Variants in GABRB1 observed in about 807,000 individuals in gnomAD.
GABRB1 encodes gamma-aminobutyric acid receptor subunit beta-1.
Under a neutral mutation model 51.6 loss-of-function variants are expected in GABRB1, and 17 were observed. The ratio of observed to expected loss-of-function variants is 0.33; its 90% CI spans 0.23 to 0.49. The LOEUF is 0.49. Among genes scored for constraint, GABRB1 ranks in the 20% least tolerant of loss-of-function variants. The pLI is 0.99. For synonymous variants in GABRB1, 247 were observed against 218.9 expected, an observed-to-expected ratio of 1.13 and a Z score of -1.14; for missense variants, 410 against 600.6, an observed-to-expected ratio of 0.68 and a Z score of 3.32.
At chr4:47,160,698 C>T (rs1717905862) in intron 3 of GABRB1, among the ~76,000 whole-genome samples, 3 of 151,824 alleles carry the variant, frequency 2.0e-5, no homozygotes, top group South Asian at 2.1e-4. Context: ...CATCTATTTG[C>T]TCTATATTGG....
intron 3 of GABRB1, among the ~76,000 whole-genome samples, chr4:47,036,803 C>A: frequency 6.6e-6 from 1 of 150,730 alleles, no homozygotes; most frequent in East Asian, 2.0e-4. Flanking sequence ...CTGGAGGTTG[C>A]GGTGAGCCAA....
At position 47,031,932 on chromosome 4, in the gene GABRB1, C is replaced by T; in HGVS notation, c.99C>T (p.Asn33=). 1 of 1,614,004 alleles carries T rather than the reference C, an allele frequency of 6.2e-7. No homozygotes were observed. Among genetic ancestry groups the T allele is most frequent in the Non-Finnish European group, 8.5e-7 (1 of 1,179,940 alleles). ...CCCTTAGCACCAATGAACCCAGCAA[C>T]ATGTCATACGTGAAAGAGACAGTGG... ...CCAHSTNEPS[N]MSYVKETVDR... is the part of the protein sequence containing the mutation. The change falls in exon 2 of 9, where the codon AAC becomes AAT. Residue 33 remains asparagine, a synonymous_variant. Coordinates refer to ENST00000295454, the MANE Select transcript of GABRB1 (RefSeq NM_000812.4).
chr4:47,094,650 C>A (rs1714309993), intron 3 of GABRB1, among the ~76,000 whole-genome samples: 1 of 151,852 alleles, frequency 6.6e-6, no homozygotes, highest in Non-Finnish European at 1.5e-5. Flanking sequence ...GGAAAAACAG[C>A]TGATGTGTGC....
intron 1 of GABRB1, among the ~76,000 whole-genome samples, chr4:46,995,236 G>A (rs1723951075): frequency 6.6e-6 from 1 of 152,138 alleles, no homozygotes; most frequent in African/African-American, 2.4e-5. Context: ...TTATAAATGT[G>A]GATGACTATC....
intron 5 of GABRB1, among the ~76,000 whole-genome samples, chr4:47,389,162 G>T (rs1727899516): frequency 6.6e-6 from 1 of 152,190 alleles, no homozygotes; most frequent in South Asian, 2.1e-4. Flanking sequence ...TCCTCCCCCA[G>T]TTCCTCATTG....
chr4:47,377,580 C>T (rs1727433590), intron 5 of GABRB1, among the ~76,000 whole-genome samples: 1 of 151,986 alleles, frequency 6.6e-6, no homozygotes, highest in South Asian at 2.1e-4. Flanking sequence ...TGGAAGGGGA[C>T]CCAAGCGGGT....
intron 4 of GABRB1, among the ~76,000 whole-genome samples, chr4:47,189,849 G>GT (rs932724415): frequency 2.6e-5 from 4 of 151,872 alleles, no homozygotes; most frequent in African/African-American, 7.3e-5. Flanking sequence ...AGACTATTAT[G>GT]TTTTTTTGTT....
intron 4 of GABRB1, among the ~76,000 whole-genome samples, chr4:47,261,458 T>A (rs1049701316): frequency 2.6e-5 from 4 of 152,136 alleles, no homozygotes; most frequent in Admixed American, 1.3e-4. Flanking sequence ...TCAAAGAGAA[T>A]AAAATACCTA....
intron 3 of GABRB1, among the ~76,000 whole-genome samples, chr4:47,065,912 G>T (rs1236354204): frequency 2.6e-5 from 4 of 152,192 alleles, no homozygotes; most frequent in African/African-American, 9.6e-5. Context: ...AGCATAGTTT[G>T]TTCAAAATTA....
At chr4:47,364,663 A>G (rs1726918052) in intron 5 of GABRB1, among the ~76,000 whole-genome samples, 1 of 152,100 alleles carries the variant, frequency 6.6e-6, no homozygotes, top group East Asian at 1.9e-4. Context: ...AAGATTAAAG[A>G]TAAAACCAGC....
intron 4 of GABRB1, among the ~76,000 whole-genome samples, chr4:47,207,164 G>A (rs1490790372): frequency 6.6e-6 from 1 of 151,916 alleles, no homozygotes; most frequent in Admixed American, 6.6e-5. Context: ...TAGTATCACA[G>A]CACAATTTGC....
intron 3 of GABRB1, among the ~76,000 whole-genome samples, chr4:47,070,680 A>G (rs1218563710): frequency 6.6e-6 from 1 of 152,132 alleles, no homozygotes; most frequent in Non-Finnish European, 1.5e-5. Context: ...CCAAAATACT[A>G]CTACATCTAG....
At chr4:47,233,016 A>C (rs1721199813) in intron 4 of GABRB1, among the ~76,000 whole-genome samples, 1 of 151,972 alleles carries the variant, frequency 6.6e-6, no homozygotes, top group Admixed American at 6.6e-5. Context: ...CTGGGACTAC[A>C]GGTGCACACT....
intron 5 of GABRB1, among the ~76,000 whole-genome samples, chr4:47,328,781 C>T (rs982579749): frequency 6.6e-5 from 10 of 151,008 alleles, no homozygotes; most frequent in South Asian, 2.1e-4. Context: ...GAGGGGGGAG[C>T]GGGGAGGGAT....
chr4:47,412,721 T>C lies in GABRB1; in HGVS notation c.1080+5795T>C, dbSNP rs1728798607. 1.3e-5 allele frequency among the ~76,000 whole-genome samples: 2 copies of C among 152,128 alleles called. 1 individual carries two copies. The highest frequency in any genetic ancestry group is 4.1e-4 in the South Asian group (2 of 4,824). On this transcript the variant is annotated intron_variant, in intron 8 of 8. Coordinates refer to ENST00000295454, the MANE Select transcript of GABRB1 (RefSeq NM_000812.4). ...AGAAAGAAAGAGAAATGCTCTCTCC[T>C]GCAGAGAGAGGGGTCCCAAGCAGGT...
At chr4:47,077,117 T>G (rs1727590166) in intron 3 of GABRB1, among the ~76,000 whole-genome samples, 1 of 152,146 alleles carries the variant, frequency 6.6e-6, no homozygotes, top group South Asian at 2.1e-4. Context: ...CCCAGCAAAC[T>G]TTACATGACA....
At chr4:47,055,586 A>C (rs576021301) in intron 3 of GABRB1, among the ~76,000 whole-genome samples, 1 of 152,332 alleles carries the variant, frequency 6.6e-6, no homozygotes, top group African/African-American at 2.4e-5. Context: ...CCACCATAGC[A>C]GAGATGGAGC....
At chr4:47,040,029 C>T (rs1001869712) in intron 3 of GABRB1, among the ~76,000 whole-genome samples, 2 of 152,112 alleles carry the variant, frequency 1.3e-5, no homozygotes, top group South Asian at 2.1e-4. Flanking sequence ...ACCAGAAGTG[C>T]ACTGCAGAGG....
intron 5 of GABRB1, among the ~76,000 whole-genome samples, chr4:47,378,058 G>T (rs532067288): frequency 1.3e-5 from 2 of 152,218 alleles, no homozygotes; most frequent in African/African-American, 4.8e-5. Context: ...CTCAGCCCTT[G>T]GGTGGTCGAT....
Sources: allele counts gnomAD v4.1 joint callset (sites outside exome capture counted in the v4.1 genomes callset), GRCh38; gene constraint gnomAD v4.1.1; transcripts MANE v1.5; gene names NCBI Gene and HGNC (gene_info 2026-07-23, HGNC 2026-07-21).